The following CENPK variants were observed in gnomAD, a reference collection of about 807,000 sequenced individuals.
CENPK encodes the protein centromere protein K, also known as SoxLZ/Sox6-binding protein Solt.
Under a neutral mutation model 40.9 loss-of-function variants are expected in CENPK, and 46 were observed. The observed-to-expected ratio is 1.13, with a 90% CI of 0.89 to 1.44. CENPK has a LOEUF of 1.44. CENPK is among the 40% of genes most tolerant of loss of function. The pLI, the probability that CENPK is intolerant of heterozygous loss-of-function variation, is 0.00. For missense variants in CENPK, 288 were observed against 303.5 expected (o/e 0.95, Z 0.38); for synonymous variants, 107 against 104.4 (o/e 1.02, Z -0.15).
chr5:65,504,045 G>C, the CENPK span, among the ~76,000 whole-genome samples: 1 of 151,862 alleles, frequency 6.6e-6, no homozygotes, highest in Non-Finnish European at 1.5e-5. Flanking sequence ...ACAACCCTTT[G>C]CTTGCGATCA....
chr5:65,523,548 T>G (rs1304707242), intron 9 of CENPK, among the ~76,000 whole-genome samples: 1 of 152,022 alleles, frequency 6.6e-6, no homozygotes, highest in Non-Finnish European at 1.5e-5. Context: ...AATACCTTAG[T>G]AAAGGAAAAA....
intron 6 of CENPK, among the ~76,000 whole-genome samples, chr5:65,536,672 TTTTA>T (rs1334978989): frequency 2.0e-5 from 3 of 152,112 alleles, no homozygotes; most frequent in African/African-American, 7.2e-5. Context: ...AATAATTATC[TTTTA>T]TTCTGAGAAA....
At chr5:65,531,904 G>A (rs556845926) in intron 6 of CENPK, among the ~76,000 whole-genome samples, 1 of 151,944 alleles carries the variant, frequency 6.6e-6, no homozygotes, top group South Asian at 2.1e-4. Context: ...GTAAGTTGAG[G>A]AAATAATAAT....
intron 9 of CENPK, among the ~76,000 whole-genome samples, chr5:65,526,206 GTTGAAAAAAAT>G (rs67555511): frequency 0.41 from 61,715 of 151,802 alleles, 12,878 homozygotes; most frequent in East Asian, 0.65. Context: ...ACAAAAAAAT[GTTGAAAAAAAT>G]TTGAAAAAAA....
intron 8 of CENPK, 151 bp downstream of exon 8, chr5:65,528,768 A>G (rs1745198794): frequency 1.1e-6 from 1 of 918,376 alleles, no homozygotes; most frequent in African/African-American, 1.7e-5. Context: ...AAGTCAAGTC[A>G]CCCATAAAAG....
chr5:65,503,959 T>TA, the CENPK span, among the ~76,000 whole-genome samples: 7 of 150,598 alleles, frequency 4.6e-5, no homozygotes, highest in Non-Finnish European at 7.4e-5. Flanking sequence ...CCCGGCCTGC[T>TA]AAAAAAATTT....
chr5:65,526,477 T>C (rs1744730047), intron 9 of CENPK, among the ~76,000 whole-genome samples: 1 of 152,206 alleles, frequency 6.6e-6, no homozygotes, highest in South Asian at 2.1e-4. Flanking sequence ...AACAGAACTT[T>C]TTCTCCTTTT....
chr5:65,551,356 C>A lies in CENPK; in HGVS notation c.241+208G>T. ...CTATAATAACGTCTCCATAATCAAG[C>A]TTATTATAATCTAATGTAAGATATG... On this transcript the variant is annotated intron_variant, in intron 5 of 10. Coordinates refer to ENST00000396679, the MANE Select transcript of CENPK (RefSeq NM_022145.5). The A allele has an allele frequency of 9.0e-6, 4 of 446,668 alleles. No homozygotes were observed. In the South Asian group the frequency reaches 1.3e-4, roughly 15 times the overall value. 27.7% of individuals were successfully genotyped at this position (446,668 alleles called of 1,614,324 possible).
At chr5:65,504,081 C>T in the CENPK span, among the ~76,000 whole-genome samples, 1 of 151,936 alleles carries the variant, frequency 6.6e-6, no homozygotes, top group Non-Finnish European at 1.5e-5. Context: ...ATATCATGTT[C>T]CACAGTCAAA....
At chr5:65,541,160 A>G (rs913732851) in intron 6 of CENPK, among the ~76,000 whole-genome samples, 4 of 152,068 alleles carry the variant, frequency 2.6e-5, no homozygotes, top group Admixed American at 6.6e-5. Flanking sequence ...CACCTGAGTA[A>G]ATGAAAGTAA....
At chr5:65,496,896 A>C in the CENPK span, among the ~76,000 whole-genome samples, 2 of 151,870 alleles carry the variant, frequency 1.3e-5, no homozygotes, top group Non-Finnish European at 2.9e-5. Context: ...TACTAAAAAA[A>C]ATACAAAAAA....
the CENPK span, among the ~76,000 whole-genome samples, chr5:65,498,396 G>A: frequency 1.3e-5 from 2 of 151,754 alleles, no homozygotes; most frequent in African/African-American, 2.4e-5. Context: ...TACTGGTATT[G>A]ACATTTTATC....
intron 5 of CENPK, chr5:65,551,212 T>C (rs1749958305): frequency 5.4e-6 from 2 of 369,870 alleles, no homozygotes; most frequent in Non-Finnish European, 1.0e-5. Context: ...ATTGTGCCAC[T>C]GTACTCCAGC....
chr5:65,538,655 C>T (rs1455628873), intron 6 of CENPK, among the ~76,000 whole-genome samples: 1 of 152,112 alleles, frequency 6.6e-6, no homozygotes, highest in Non-Finnish European at 1.5e-5. Flanking sequence ...CCTCTGCAGA[C>T]AGAGCGATGG....
intron 6 of CENPK, among the ~76,000 whole-genome samples, chr5:65,540,245 T>C (rs561704306): frequency 6.6e-6 from 1 of 152,344 alleles, no homozygotes; most frequent in South Asian, 2.1e-4. Flanking sequence ...AGCCAAGCCA[T>C]ACCTTCAATA....
downstream of CENPK, among the ~76,000 whole-genome samples, chr5:65,514,263 G>GTTTTTTTTTTTTTTTTTTTTT (rs59636233): frequency 2.5e-4 from 7 of 27,726 alleles, 2 homozygotes; most frequent in Admixed American, 4.8e-4. Context: ...TTTTTTTTTA[G>GTTTTTTTTTTTTTTTTTTTTT]TTTTTTTTAG....
intron 5 of CENPK, among the ~76,000 whole-genome samples, chr5:65,545,324 GCACACACACACACACACACACACACACA>G (rs869192025): frequency 0.042 from 2,687 of 64,394 alleles, 51 homozygotes; most frequent in Non-Finnish European, 0.073. Flanking sequence ...CTCAAAGCGC[GCACACACACACACACACACACACACACA>G]CACACACACA....
intron 6 of CENPK, among the ~76,000 whole-genome samples, chr5:65,538,405 G>T (rs1435198996): frequency 6.6e-6 from 1 of 151,934 alleles, no homozygotes; most frequent in Non-Finnish European, 1.5e-5. Flanking sequence ...TTTCACTGGG[G>T]ACTCCATATA....
chr5:65,535,277 G>T (rs1007468370), intron 6 of CENPK, among the ~76,000 whole-genome samples: 2 of 152,140 alleles, frequency 1.3e-5, no homozygotes, highest in South Asian at 2.1e-4. Flanking sequence ...AGTTGTGCAG[G>T]AAAGAGTTAA....
Sources: allele counts gnomAD v4.1 joint callset (sites outside exome capture counted in the v4.1 genomes callset), GRCh38; gene constraint gnomAD v4.1.1; transcripts MANE v1.5; gene names NCBI Gene and HGNC (gene_info 2026-07-23, HGNC 2026-07-21).